Variants in FAF1 observed in about 807,000 individuals in gnomAD.
FAF1 encodes the protein FAS-associated factor 1.
FAF1 carries 25 observed loss-of-function variants against 92.5 expected under a neutral mutation model. That is an observed-to-expected ratio of 0.27 (90% CI 0.20 to 0.38). The LOEUF is 0.38. Ranked by LOEUF, FAF1 falls within the 10% of genes least tolerant of loss-of-function variation. FAF1 has a pLI of 1.00. For missense variants in FAF1, 636 were observed against 793.3 expected (o/e 0.80, Z 2.38); for synonymous variants, 234 against 273.2 (o/e 0.86, Z 1.42).
At position 50,744,778 on chromosome 1, in the gene FAF1, G is replaced by A. The variant is rs1659520711; in HGVS notation, c.368-3C>T. ...TTCTAGAATCTGTTTAATCTCTCCT[G>A]TATAAATAAGAAGAGATCAAATATT... On this transcript the variant is annotated splice_region_variant and splice_polypyrimidine_tract_variant and intron_variant, in intron 4 of 18. Coordinates refer to ENST00000396153, the MANE Select transcript of FAF1 (RefSeq NM_007051.3). 1 of 1,533,850 alleles carries A rather than the reference G, an allele frequency of 6.5e-7. No individual in the cohort carries two copies.
intron 8 of FAF1, among the ~76,000 whole-genome samples, chr1:50,603,313 A>C (rs1652231253): frequency 6.6e-6 from 1 of 152,220 alleles, no homozygotes; most frequent in South Asian, 2.1e-4. Flanking sequence ...ATCATAAAAC[A>C]ACCTTAGAGT....
chr1:50,939,828 A>C (rs532991496), intron 1 of FAF1, among the ~76,000 whole-genome samples: 26 of 152,208 alleles, frequency 1.7e-4, no homozygotes, highest in Non-Finnish European at 3.5e-4. Context: ...AATCACATTT[A>C]TTGAAGGTCA....
chr1:50,501,008 C>T (rs1360953822), intron 15 of FAF1, among the ~76,000 whole-genome samples: 3 of 151,958 alleles, frequency 2.0e-5, no homozygotes, highest in Admixed American at 2.0e-4. Flanking sequence ...ATTATGTTCC[C>T]TCAATAAAAC....
chr1:50,826,851 C>T (rs1205987986), intron 2 of FAF1, among the ~76,000 whole-genome samples: 1 of 152,144 alleles, frequency 6.6e-6, no homozygotes, highest in Admixed American at 6.5e-5. Flanking sequence ...TAATTAAAAA[C>T]CTTCTCACAA....
intron 8 of FAF1, among the ~76,000 whole-genome samples, chr1:50,611,257 A>G (rs961456063): frequency 6.6e-6 from 1 of 152,248 alleles, no homozygotes; most frequent in Non-Finnish European, 1.5e-5. Flanking sequence ...GCTTTGTATT[A>G]GGGAGAAAGA....
chr1:50,649,307 ACACCTGGCTAATTTTGTATTTTC>A (rs1333442961), intron 8 of FAF1, among the ~76,000 whole-genome samples: 4 of 151,534 alleles, frequency 2.6e-5, no homozygotes, highest in Non-Finnish European at 5.9e-5. Flanking sequence ...CATGCGCCAC[ACACCTGGCTAATTTTGTATTTTC>A]AGTAGAGATG....
At chr1:50,508,687 C>T (rs1647091010) in intron 15 of FAF1, among the ~76,000 whole-genome samples, 1 of 152,014 alleles carries the variant, frequency 6.6e-6, no homozygotes, top group Admixed American at 6.6e-5. Context: ...ACAAAATACC[C>T]CTGAATTGTA....
In FAF1 at chr1:50,561,215, G is replaced by A. The variant is rs116517491; in HGVS notation, c.1268+5862C>T. ...CTCTAGAACCAGGATGAACTCATCT[G>A]GGTTGGAATTCAAGCCACTTTCCAG... On this transcript the variant is annotated intron_variant, in intron 13 of 18. Coordinates refer to ENST00000396153, the MANE Select transcript of FAF1 (RefSeq NM_007051.3). Among the ~76,000 whole-genome samples the A allele has an allele frequency of 4.4e-3, 666 of 152,242 alleles. 4 individuals are homozygous for A. Among genetic ancestry groups the A allele is most frequent in the African/African-American group, 0.016 (649 of 41,544 alleles).
At chr1:50,885,312 TCACACA>T (rs376434464) in intron 1 of FAF1, among the ~76,000 whole-genome samples, 2 of 137,428 alleles carry the variant, frequency 1.5e-5, no homozygotes, top group Non-Finnish European at 3.2e-5. Context: ...TCTCTCTCTC[TCACACA>T]CACACACTCT....
intron 1 of FAF1, among the ~76,000 whole-genome samples, chr1:50,864,740 G>C (rs1644465842): frequency 2.0e-5 from 3 of 152,144 alleles, no homozygotes; most frequent in Admixed American, 1.3e-4. Context: ...AAAAACCCTA[G>C]AAGAAAACCT....
At chr1:50,796,047 A>C (rs187161099) in intron 3 of FAF1, among the ~76,000 whole-genome samples, 3 of 152,106 alleles carry the variant, frequency 2.0e-5, no homozygotes, top group East Asian at 1.9e-4. Flanking sequence ...CCAGGTAAAA[A>C]AACAACAACA....
chr1:50,866,926 C>A (rs2124676177), intron 1 of FAF1, among the ~76,000 whole-genome samples: 1 of 152,026 alleles, frequency 6.6e-6, no homozygotes, highest in South Asian at 2.1e-4. Flanking sequence ...TAACATTACC[C>A]AACTTCAAAC....
At chr1:50,492,404 T>C (rs1193412259) in intron 15 of FAF1, among the ~76,000 whole-genome samples, 3 of 152,204 alleles carry the variant, frequency 2.0e-5, no homozygotes, top group Non-Finnish European at 4.4e-5. Flanking sequence ...TTCACACTCA[T>C]GAAGTGTGAA....
intron 8 of FAF1, among the ~76,000 whole-genome samples, chr1:50,655,021 A>G (rs1019725993): frequency 5.1e-4 from 73 of 143,276 alleles, no homozygotes; most frequent in African/African-American, 1.7e-3. Context: ...CCCAGGCTGG[A>G]GTGCAATGGC....
rs371991768 is a variant in FAF1, at chr1:50,725,922, G to A, written c.551+12941C>T. ...GAAGACAGTGATATGCTTGACTGCA[G>A]GACTAGAGCTCAATAATACCCTCAT... On this transcript the variant is annotated intron_variant, in intron 6 of 18. Coordinates refer to ENST00000396153, the MANE Select transcript of FAF1 (RefSeq NM_007051.3). Among the ~76,000 whole-genome samples, 28 of 152,248 alleles carry A rather than the reference G, an allele frequency of 1.8e-4. No individual in the cohort carries two copies. In the South Asian group the frequency reaches 4.6e-3, roughly 25 times the overall value.
At chr1:50,879,359 C>T (rs1274380299) in intron 1 of FAF1, among the ~76,000 whole-genome samples, 1 of 152,138 alleles carries the variant, frequency 6.6e-6, no homozygotes, top group Non-Finnish European at 1.5e-5. Context: ...GGTAACTGTT[C>T]TCTGGTGGGA....
At chr1:50,554,390 T>TATATATAGAG in intron 13 of FAF1, among the ~76,000 whole-genome samples, 65 of 93,676 alleles carry the variant, frequency 6.9e-4, no homozygotes, top group African/African-American at 1.6e-3. Flanking sequence ...TATATATATA[T>TATATATAGAG]AGAGAGAGAG....
At chr1:50,910,830 C>T (rs1003858562) in intron 1 of FAF1, among the ~76,000 whole-genome samples, 12 of 152,062 alleles carry the variant, frequency 7.9e-5, no homozygotes, top group African/African-American at 2.9e-4. Flanking sequence ...TTGTGCTTCC[C>T]GGGTGAGGCA....
chr1:50,688,780 A>C (rs1475873156), intron 7 of FAF1, among the ~76,000 whole-genome samples: 1 of 152,134 alleles, frequency 6.6e-6, no homozygotes, highest in Non-Finnish European at 1.5e-5. Flanking sequence ...CCATTGCACT[A>C]CAGCCTGGGC....
Sources: allele counts gnomAD v4.1 joint callset (sites outside exome capture counted in the v4.1 genomes callset), GRCh38; gene constraint gnomAD v4.1.1; transcripts MANE v1.5; gene names NCBI Gene and HGNC (gene_info 2026-07-23, HGNC 2026-07-21).